Variants in SNRPN observed in about 807,000 individuals in gnomAD.
The protein encoded by SNRPN is small nuclear ribonucleoprotein-associated protein N.
SNRPN carries 7 observed loss-of-function variants against 25.2 expected under a neutral mutation model. The observed-to-expected ratio is 0.28, with a 90% confidence interval of 0.16 to 0.52. SNRPN has a LOEUF of 0.52. Among genes scored for constraint, SNRPN ranks in the 20% least tolerant of loss-of-function variants. The pLI, the probability that SNRPN is intolerant of heterozygous loss-of-function variation, is 0.96. For missense variants in SNRPN, 196 were observed against 322.5 expected (o/e 0.61, Z 3.00); for synonymous variants, 124 against 110.6 (o/e 1.12, Z -0.76).
upstream of SNRPN, among the ~76,000 whole-genome samples, chr15:24,855,858 C>A (rs2053336566): frequency 6.7e-6 from 1 of 150,016 alleles, no homozygotes; most frequent in Non-Finnish European, 1.5e-5. Context: ...AGATGTAAAT[C>A]CTGTGTTAAA....
chr15:24,917,727 G>A (rs1308500912), intron 2 of SNRPN, among the ~76,000 whole-genome samples: 3 of 152,240 alleles, frequency 2.0e-5, no homozygotes, highest in Non-Finnish European at 4.4e-5. Flanking sequence ...CGCAGCCACG[G>A]GAAGCCCGTG....
At chr15:24,848,387 T>G (rs1025101694) in intron 2 of SNRPN, 1 of 152,288 alleles carries the variant, frequency 6.6e-6, no homozygotes, top group Non-Finnish European at 1.5e-5. Flanking sequence ...CCGCTGGGAG[T>G]GTCTTATCAG....
At chr15:24,833,104 CAAAAAAAAAAAA>C (rs10696281) in intron 2 of SNRPN, among the ~76,000 whole-genome samples, 1 of 61,776 alleles carries the variant, frequency 1.6e-5, no homozygotes, top group Admixed American at 2.7e-4. Context: ...GACTCTGTCT[CAAAAAAAAAAAA>C]AAAAAAAAAA....
chr15:24,874,259 A>G (rs1205592525), intron 1 of SNRPN, among the ~76,000 whole-genome samples: 9 of 148,838 alleles, frequency 6.0e-5, no homozygotes, highest in Non-Finnish European at 1.2e-4. Flanking sequence ...GCAGTGAGCC[A>G]AGATCGCACC....
At chr15:24,906,027 AAAT>A (rs1487536734) in intron 2 of SNRPN, among the ~76,000 whole-genome samples, 1 of 152,230 alleles carries the variant, frequency 6.6e-6, no homozygotes, top group Non-Finnish European at 1.5e-5. Flanking sequence ...TAATAAGAAA[AAAT>A]AATATCAAAT....
intron 2 of SNRPN, chr15:24,848,231 TGGGGGCGGGGGCGGCGGCGGGGGC>T (rs1224916805): frequency 1.0e-5 from 1 of 95,432 alleles, no homozygotes; most frequent in African/African-American, 4.7e-5. Flanking sequence ...GGGGCGGCGG[TGGGGGCGGGGGCGGCGGCGGGGGC>T]GGGGGCGGGG....
chr15:24,960,833 A>T (rs1293706380), intron 1 of SNRPN, among the ~76,000 whole-genome samples: 1 of 152,196 alleles, frequency 6.6e-6, no homozygotes, highest in African/African-American at 2.4e-5. Context: ...TAGATAGTTA[A>T]TGTTAAAAGT....
intron 1 of SNRPN, among the ~76,000 whole-genome samples, chr15:24,875,468 T>C (rs2055761619): frequency 6.6e-6 from 1 of 152,218 alleles, no homozygotes; most frequent in African/African-American, 2.4e-5. Flanking sequence ...CGTTTTTAAG[T>C]TCAGGTCAAT....
At chr15:24,971,980 G>A (rs1484842582) in intron 3 of SNRPN, among the ~76,000 whole-genome samples, 1 of 152,216 alleles carries the variant, frequency 6.6e-6, no homozygotes, top group Non-Finnish European at 1.5e-5. Flanking sequence ...TGCTGGCTGG[G>A]CGCAGTGGCT....
chr15:24,880,962 C>A (rs1174770166), intron 1 of SNRPN, among the ~76,000 whole-genome samples: 1 of 151,098 alleles, frequency 6.6e-6, no homozygotes, highest in African/African-American at 2.5e-5. Flanking sequence ...CAGGCATAAA[C>A]CTCTACAAAT....
chr15:24,946,208 T>A (rs2153128319), intron 3 of SNRPN, among the ~76,000 whole-genome samples: 1 of 152,296 alleles, frequency 6.6e-6, no homozygotes, highest in South Asian at 2.1e-4. Flanking sequence ...TGAGTACGGT[T>A]CTTTTCTTTT....
At chr15:24,845,778 G>C (rs1488320153) in intron 2 of SNRPN, among the ~76,000 whole-genome samples, 1 of 151,952 alleles carries the variant, frequency 6.6e-6, no homozygotes, top group Non-Finnish European at 1.5e-5. Flanking sequence ...TGAATGTATA[G>C]ATAAATATGT....
intron 2 of SNRPN, among the ~76,000 whole-genome samples, chr15:24,963,772 C>T (rs1435656250): frequency 1.3e-5 from 2 of 151,970 alleles, no homozygotes; most frequent in East Asian, 3.9e-4. Context: ...GATGTGGTGG[C>T]TCATGCCTCT....
chr15:24,917,178 A>G (rs1166470855), intron 2 of SNRPN, among the ~76,000 whole-genome samples: 1 of 152,168 alleles, frequency 6.6e-6, no homozygotes, highest in East Asian at 1.9e-4. Context: ...GCCCCACCTG[A>G]CCTACGAAGT....
intron 3 of SNRPN, chr15:24,968,673 T>A (rs1322534782): frequency 1.3e-5 from 2 of 152,444 alleles, no homozygotes; most frequent in Non-Finnish European, 2.9e-5. Flanking sequence ...ACACAGCACA[T>A]AATTAACAAT....
At chr15:24,948,846 C>A (rs1227562237) in intron 3 of SNRPN, among the ~76,000 whole-genome samples, 1 of 151,716 alleles carries the variant, frequency 6.6e-6, no homozygotes, top group African/African-American at 2.4e-5. Flanking sequence ...TCCCAACCAT[C>A]CTATGGTTGG....
At position 24,942,121 on chromosome 15, in the gene SNRPN, A is replaced by G. The variant is rs1016890331; in HGVS notation, c.-390-19993A>G. ...TCTACTTCAGTCCAATTACTGCTAT[A>G]TCTACTGATGGAAATATTCCTGCTG... On this transcript the variant is annotated intron_variant, in intron 3 of 11. Transcript: ENST00000400097. Among the ~76,000 whole-genome samples the G allele has an allele frequency of 9.2e-5, 14 of 152,290 alleles. No individual in the cohort carries two copies. In the East Asian group the frequency reaches 1.5e-3, roughly 17 times the overall value.
At chr15:24,909,236 C>G (rs953536607) in intron 2 of SNRPN, 4 of 1,570,532 alleles carry the variant, frequency 2.5e-6, no homozygotes, top group African/African-American at 1.3e-5. Context: ...GATGTGCTTC[C>G]GGTGTACTTC....
intron 2 of SNRPN, among the ~76,000 whole-genome samples, chr15:24,912,726 A>G (rs1002642847): frequency 1.3e-5 from 2 of 152,156 alleles, no homozygotes; most frequent in South Asian, 2.1e-4. Flanking sequence ...AAGTGTATTA[A>G]TTTAAAGGGA....
Sources: gnomAD v4.1 joint callset for allele counts (sites outside exome capture counted in the v4.1 genomes callset) on GRCh38, gnomAD v4.1.1 for gene constraint, MANE v1.5 for transcripts, NCBI Gene and HGNC (gene_info 2026-07-23, HGNC 2026-07-21) for gene names.